The following LMF1 variants were observed in gnomAD, a reference collection of about 807,000 sequenced individuals.
LMF1 encodes the protein lipase maturation factor 1, also known as transmembrane protein 112.
LMF1 carries 68 observed loss-of-function variants against 60.6 expected under a neutral mutation model. The observed-to-expected ratio is 1.12, with a 90% CI of 0.92 to 1.37. The LOEUF (loss-of-function observed/expected upper bound fraction) is 1.37. Among genes scored for constraint, LMF1 ranks in the 40% most tolerant of loss-of-function variants. The pLI, the probability that LMF1 is intolerant of heterozygous loss-of-function variation, is 0.00. For synonymous variants in LMF1, 418 were observed against 324.7 expected, an observed-to-expected ratio of 1.29 and a Z score of -3.09; for missense variants, 948 against 767.2, an observed-to-expected ratio of 1.24 and a Z score of -2.78.
chr16:869,659 G>T lies in LMF1; in HGVS notation c.1416+224C>A, dbSNP rs115550520. The T allele has an allele frequency of 2.4e-3, 1,549 of 656,052 alleles. 12 individuals carry two copies. In the African/African-American group the frequency reaches 0.025, roughly 10 times the overall value. 40.6% of individuals were successfully genotyped at this position (656,052 alleles called of 1,614,324 possible). A position where few individuals can be genotyped will look rare whatever the true frequency, so the allele number is the denominator to read the frequency against. ...GGATTCCTGGCATGAGACACTACCT[G>T]GCAGACCCGGGGGGACGGTGGGGCT... On this transcript the variant is annotated intron_variant, in intron 9 of 10. Transcript: ENST00000262301.
intron 3 of LMF1, chr16:931,804 A>G (rs1016324978): frequency 7.8e-7 from 1 of 1,282,916 alleles, no homozygotes; most frequent in African/African-American, 1.5e-5. Flanking sequence ...CTGCAGGGTC[A>G]GACACAACAT....
intron 2 of LMF1, among the ~76,000 whole-genome samples, chr16:938,264 T>A (rs1297556103): frequency 2.0e-5 from 3 of 151,986 alleles, no homozygotes; most frequent in African/African-American, 7.2e-5. Flanking sequence ...GACTGAACAG[T>A]GGCTTGTGGG....
intron 2 of LMF1, chr16:947,260 G>A (rs1597049886): frequency 5.7e-6 from 2 of 351,754 alleles, no homozygotes; most frequent in Admixed American, 3.9e-5. Context: ...ATATGTCTAC[G>A]CCTTGTCAAA....
At chr16:922,297 G>A (rs545288248) in intron 3 of LMF1, among the ~76,000 whole-genome samples, 2 of 152,306 alleles carry the variant, frequency 1.3e-5, no homozygotes, top group Admixed American at 6.5e-5. Context: ...GCCACCTCCC[G>A]AGGGGGGCCA....
Position 889,017 on chromosome 16 carries a change from C to T in LMF1, c.729+3990G>A, listed in dbSNP as rs1034653719. Among the ~76,000 whole-genome samples the T allele has an allele frequency of 3.3e-5, 5 of 152,212 alleles. No individual in the cohort carries two copies. In the East Asian group the frequency reaches 7.7e-4, roughly 23 times the overall value. On this transcript the variant is annotated intron_variant, in intron 5 of 10. Coordinates refer to ENST00000262301, the MANE Select transcript of LMF1 (RefSeq NM_022773.4). ...GGTCCCTCTGCCGGCTGAGAGCAAGCGGCCGTCCATGCATCCCCGGTGTCT... is the reference window on the plus strand; with the variant it reads ...GGTCCCTCTGCCGGCTGAGAGCAAGTGGCCGTCCATGCATCCCCGGTGTCT...
At chr16:945,102 T>C (rs1201100076) in intron 2 of LMF1, among the ~76,000 whole-genome samples, 2 of 148,134 alleles carry the variant, frequency 1.4e-5, no homozygotes, top group Non-Finnish European at 3.0e-5. Context: ...TCCCAGCTAC[T>C]TGGGAGGCTA....
At chr16:923,883 T>C (rs1460662556) in intron 3 of LMF1, among the ~76,000 whole-genome samples, 1 of 152,212 alleles carries the variant, frequency 6.6e-6, no homozygotes, top group African/African-American at 2.4e-5. Flanking sequence ...TGTGTTTGAT[T>C]CTGTAAAAAC....
At position 854,071 on chromosome 16, in the gene LMF1, G is replaced by C. The variant is rs760128154; in HGVS notation, c.*461C>G. 6.6e-6 allele frequency: 3 copies of C among 456,238 alleles called. No homozygotes were observed. Among genetic ancestry groups the C allele is most frequent in the Non-Finnish European group, 1.3e-5 (3 of 228,342 alleles). 28.3% of individuals were successfully genotyped at this position (456,238 alleles called of 1,614,324 possible). On this transcript the variant is annotated 3_prime_UTR_variant, in exon 11 of 11. Coordinates refer to ENST00000262301, the MANE Select transcript of LMF1 (RefSeq NM_022773.4). ...GTTTGGCTGCCCCAGACGTGACAGGGACTTGGCTCTGAGGGTCAGGACCTG... is the reference window on the plus strand; with the variant it reads ...GTTTGGCTGCCCCAGACGTGACAGGCACTTGGCTCTGAGGGTCAGGACCTG...
chr16:877,528 C>T (rs1009321935), intron 6 of LMF1, among the ~76,000 whole-genome samples: 9 of 152,184 alleles, frequency 5.9e-5, no homozygotes, highest in South Asian at 2.1e-4. Flanking sequence ...TAATGTAACT[C>T]GCCACGTTAC....
chr16:858,503 T>A lies in LMF1; in HGVS notation c.1530-3797A>T, dbSNP rs1450063727. On this transcript the variant is annotated intron_variant, in intron 10 of 10. Coordinates refer to ENST00000262301, the MANE Select transcript of LMF1 (RefSeq NM_022773.4). ...TGACTCGGGACGGGTGTGCGTGGTGTCTCGGGACGGGTGTGCAGTGGTGTC... is the reference window on the plus strand; with the variant it reads ...TGACTCGGGACGGGTGTGCGTGGTGACTCGGGACGGGTGTGCAGTGGTGTC... Among the ~76,000 whole-genome samples the A allele has an allele frequency of 1.2e-4, 4 of 34,494 alleles. 1 individual carries two copies. Among genetic ancestry groups the A allele is most frequent in the Non-Finnish European group, 1.9e-4 (4 of 21,300 alleles). 22.6% of individuals were successfully genotyped at this position (34,494 alleles called of 152,430 possible).
intron 3 of LMF1, among the ~76,000 whole-genome samples, chr16:926,049 T>C (rs1166164728): frequency 6.6e-6 from 1 of 152,086 alleles, no homozygotes; most frequent in East Asian, 1.9e-4. Context: ...TGCGCATGTG[T>C]GCACACGTTT....
intron 4 of LMF1, among the ~76,000 whole-genome samples, chr16:894,800 C>T (rs1020000558): frequency 1.3e-5 from 2 of 152,218 alleles, no homozygotes; most frequent in African/African-American, 4.8e-5. Context: ...GCGAGTGCTC[C>T]CCTCCGTGGG....
chr16:925,893 G>A (rs997317962), intron 3 of LMF1, among the ~76,000 whole-genome samples: 27 of 152,398 alleles, frequency 1.8e-4, no homozygotes, highest in African/African-American at 6.5e-4. Flanking sequence ...ATGTGCATCT[G>A]CATGTGTGTC....
chr16:952,314 C>CA (rs2072494173), intron 2 of LMF1, among the ~76,000 whole-genome samples: 6 of 150,518 alleles, frequency 4.0e-5, no homozygotes, highest in Admixed American at 2.6e-4. Context: ...GGGGACCCCC[C>CA]CCCACAGGTG....
At chr16:951,658 A>G (rs997461333) in intron 2 of LMF1, among the ~76,000 whole-genome samples, 4 of 152,244 alleles carry the variant, frequency 2.6e-5, no homozygotes, top group Non-Finnish European at 5.9e-5. Context: ...CGCTGCGACA[A>G]ACCACGCTCA....
intron 3 of LMF1, among the ~76,000 whole-genome samples, chr16:919,689 G>A (rs1000955090): frequency 4.6e-5 from 7 of 152,166 alleles, no homozygotes; most frequent in African/African-American, 1.4e-4. Context: ...CCCACGTCCT[G>A]GAGGTCTTGG....
chr16:891,784 G>A (rs2070496732), intron 5 of LMF1, among the ~76,000 whole-genome samples: 1 of 152,254 alleles, frequency 6.6e-6, no homozygotes, highest in African/African-American at 2.4e-5. Flanking sequence ...TGAGGGCAGG[G>A]TGGCTGGCGT....
intron 10 of LMF1, among the ~76,000 whole-genome samples, chr16:856,455 C>G (rs2069187187): frequency 6.6e-6 from 1 of 152,190 alleles, no homozygotes; most frequent in African/African-American, 2.4e-5. Context: ...AATGCAGTCC[C>G]CAGGCAGGCC....
Position 888,015 on chromosome 16 carries a change from G to A in LMF1, c.729+4992C>T, listed in dbSNP as rs575339211. Among the ~76,000 whole-genome samples the A allele has an allele frequency of 4.6e-5, 7 of 152,270 alleles. No individual in the cohort carries two copies. The South Asian group carries it at 8.3e-4, about 18-fold the overall frequency. On this transcript the variant is annotated intron_variant, in intron 5 of 10. Transcript: ENST00000262301. ...TGTGGTGCGTGGCCTGGGCCCCAGC[G>A]GTGAGTCGACTCTGGGGGGCTCCGT...
Sources: gnomAD v4.1 joint callset for allele counts (sites outside exome capture counted in the v4.1 genomes callset) on GRCh38, gnomAD v4.1.1 for gene constraint, MANE v1.5 for transcripts, NCBI Gene and HGNC (gene_info 2026-07-23, HGNC 2026-07-21) for gene names.